TENM3: variants seen among roughly 807,000 people sequenced by gnomAD.
TENM3 encodes the protein teneurin-3.
In TENM3, 63 loss-of-function variants were observed where a neutral mutation model predicts 255.1. The ratio of observed to expected loss-of-function variants is 0.25; its 90% CI spans 0.20 to 0.30. TENM3 has a LOEUF of 0.30. Ranked by LOEUF, TENM3 falls within the 10% of genes least tolerant of loss-of-function variation. TENM3 has a pLI of 1.00. For synonymous variants in TENM3, 1,306 were observed against 1,322.3 expected (o/e 0.99, Z 0.27); for missense variants, 2,929 against 3,461.1 (o/e 0.85, Z 3.86).
At chr4:181,802,563 G>T in the TENM3 span, among the ~76,000 whole-genome samples, 1 of 152,292 alleles carries the variant, frequency 6.6e-6, no homozygotes, top group Admixed American at 6.5e-5. Flanking sequence ...CAAATTTTCT[G>T]TGATCAAAAA....
the TENM3 span, among the ~76,000 whole-genome samples, chr4:181,526,246 T>C: frequency 6.7e-6 from 1 of 149,114 alleles, no homozygotes; most frequent in Admixed American, 6.7e-5. Flanking sequence ...TGCTTTATAA[T>C]TTTTAACAAA....
chr4:181,630,054 G>C, the TENM3 span, among the ~76,000 whole-genome samples: 4 of 152,106 alleles, frequency 2.6e-5, no homozygotes, highest in Admixed American at 6.5e-5. Flanking sequence ...CTTCTTCCTG[G>C]TTTAGTCTTT....
the TENM3 span, among the ~76,000 whole-genome samples, chr4:181,455,030 A>G: frequency 6.6e-6 from 1 of 152,142 alleles, no homozygotes; most frequent in Admixed American, 6.6e-5. Context: ...CAGACACGGA[A>G]CAAGTAACCT....
chr4:182,328,120 G>A (rs2150530908), intron 2 of TENM3, among the ~76,000 whole-genome samples: 1 of 152,334 alleles, frequency 6.6e-6, no homozygotes, highest in African/African-American at 2.4e-5. Flanking sequence ...TCAATAATCA[G>A]TGTTGGGGTT....
chr4:182,367,146 G>A (rs10032996), intron 3 of TENM3, among the ~76,000 whole-genome samples: 5,417 of 152,234 alleles, frequency 0.036, 304 homozygotes, highest in African/African-American at 0.12. Flanking sequence ...TACAGGTTGA[G>A]CAGGACTTCG....
chr4:182,327,132 A>T (rs1763465104), intron 2 of TENM3, among the ~76,000 whole-genome samples: 1 of 152,180 alleles, frequency 6.6e-6, no homozygotes, highest in Admixed American at 6.5e-5. Context: ...ATTTTCTTTG[A>T]ACCTGACAAA....
chr4:182,449,236 T>TTTG (rs1177787995), intron 3 of TENM3, among the ~76,000 whole-genome samples: 1 of 120,906 alleles, frequency 8.3e-6, no homozygotes, highest in African/African-American at 3.5e-5. Flanking sequence ...GCGGCTCCGC[T>TTTG]CTTCTCCCTT....
the TENM3 span, among the ~76,000 whole-genome samples, chr4:181,572,115 G>A: frequency 6.6e-6 from 1 of 152,164 alleles, no homozygotes; most frequent in Non-Finnish European, 1.5e-5. Context: ...AATTAAACAA[G>A]TTTATAAGCA....
the TENM3 span, among the ~76,000 whole-genome samples, chr4:181,628,381 TG>T: frequency 2.6e-5 from 4 of 152,350 alleles, no homozygotes; most frequent in African/African-American, 9.6e-5. Context: ...CCATTGCTTT[TG>T]GTGTTTTAGA....
At chr4:182,066,122 A>G in the TENM3 span, among the ~76,000 whole-genome samples, 2 of 152,176 alleles carry the variant, frequency 1.3e-5, no homozygotes, top group African/African-American at 4.8e-5. Context: ...AGCAATGCAC[A>G]AGGGTTCCAA....
intron 1 of TENM3, among the ~76,000 whole-genome samples, chr4:182,317,085 T>C (rs1762791434): frequency 6.6e-6 from 1 of 152,218 alleles, no homozygotes; most frequent in Non-Finnish European, 1.5e-5. Flanking sequence ...GTTACTGCAA[T>C]CTTGGCTGGA....
At chr4:182,659,130 G>T (rs932707980) in intron 6 of TENM3, among the ~76,000 whole-genome samples, 6 of 152,186 alleles carry the variant, frequency 3.9e-5, no homozygotes, top group Non-Finnish European at 5.9e-5. Flanking sequence ...ACAAGGGCAC[G>T]TGGGATGGAA....
chr4:182,741,148 C>A (rs1225008844), intron 18 of TENM3, among the ~76,000 whole-genome samples: 1 of 152,110 alleles, frequency 6.6e-6, no homozygotes, highest in Non-Finnish European at 1.5e-5. Flanking sequence ...TGCACTCCAG[C>A]CTGGGTGACA....
At chr4:181,776,270 C>A in the TENM3 span, among the ~76,000 whole-genome samples, 19 of 152,170 alleles carry the variant, frequency 1.2e-4, 1 homozygote, top group South Asian at 4.2e-4. Flanking sequence ...TGTTTTATGG[C>A]TGAATAGTAT....
chr4:182,718,516 T>C (rs1346174221), intron 13 of TENM3, among the ~76,000 whole-genome samples: 1 of 152,156 alleles, frequency 6.6e-6, no homozygotes, highest in East Asian at 1.9e-4. Flanking sequence ...GCTTGGATGC[T>C]GGGCAGGCAG....
rs146453614 is a variant in TENM3 at position 182,293,083 on chromosome 4, C to T, written c.-75-30863C>T. 6.4e-4 allele frequency among the ~76,000 whole-genome samples: 97 copies of T among 152,308 alleles called. No individual in the cohort carries two copies. The East Asian group carries it at 0.016, about 25-fold the overall frequency. Reference sequence around the variant, plus strand: ...TTAAGTGCCTCACTACATTGTCTCCCATCACCCTTGCCACAACCCTATGGG... The same window carrying T: ...TTAAGTGCCTCACTACATTGTCTCCTATCACCCTTGCCACAACCCTATGGG... On this transcript the variant is annotated intron_variant, in intron 1 of 27. Coordinates refer to ENST00000511685, the MANE Select transcript of TENM3 (RefSeq NM_001080477.4).
At chr4:182,498,685 C>A (rs1736036107) in intron 3 of TENM3, among the ~76,000 whole-genome samples, 1 of 151,978 alleles carries the variant, frequency 6.6e-6, no homozygotes, top group African/African-American at 2.4e-5. Context: ...GAAACCCCGT[C>A]TCTACTAAAA....
chr4:182,651,756 G>A (rs551110191), intron 5 of TENM3, among the ~76,000 whole-genome samples: 98 of 152,196 alleles, frequency 6.4e-4, no homozygotes, highest in African/African-American at 2.3e-3. Context: ...AACTTTAGCA[G>A]GGAGTGTGAC....
intron 5 of TENM3, among the ~76,000 whole-genome samples, chr4:182,650,889 A>AAAAAATATATATATATATATATAT (rs1281790163): frequency 3.0e-4 from 9 of 29,706 alleles, no homozygotes; most frequent in Admixed American, 1.1e-3. Flanking sequence ...AATAAAAAAA[A>AAAAAATATATATATATATATATAT]ATATATATAT....
Sources: gnomAD v4.1 joint callset for allele counts (sites outside exome capture counted in the v4.1 genomes callset) on GRCh38, gnomAD v4.1.1 for gene constraint, MANE v1.5 for transcripts, NCBI Gene and HGNC (gene_info 2026-07-23, HGNC 2026-07-21) for gene names.